Variants in CAGE1 observed in about 807,000 individuals in gnomAD.
CAGE1 encodes the protein cancer-associated gene 1 protein.
In CAGE1, 66 loss-of-function variants were observed where a neutral mutation model predicts 94.9. The ratio of observed to expected loss-of-function variants is 0.70; its 90% CI spans 0.57 to 0.85. The LOEUF (loss-of-function observed/expected upper bound fraction) is 0.85, where lower values mean the gene tolerates loss of function less well. Among genes scored for constraint, CAGE1 ranks in the 40% least tolerant of loss-of-function variants. CAGE1 has a pLI of 0.00. For synonymous variants in CAGE1, 319 were observed against 321.0 expected (o/e 0.99, Z 0.07); for missense variants, 865 against 950.4 (o/e 0.91, Z 1.18).
At chr6:7,344,920 C>T (rs9767771) in intron 11 of CAGE1, among the ~76,000 whole-genome samples, 7,154 of 152,198 alleles carry the variant, frequency 0.047, 286 homozygotes, top group African/African-American at 0.11. Context: ...AGAACCTTTG[C>T]GCCTAGCTCA....
At chr6:7,330,257 A>T (rs1228927415) in intron 12 of CAGE1, among the ~76,000 whole-genome samples, 1 of 152,118 alleles carries the variant, frequency 6.6e-6, no homozygotes, top group African/African-American at 2.4e-5. Flanking sequence ...GCATGGTGGC[A>T]CGCACCTGTA....
chr6:7,347,936 G>A (rs555368492), intron 11 of CAGE1, among the ~76,000 whole-genome samples: 2 of 152,034 alleles, frequency 1.3e-5, no homozygotes, highest in South Asian at 2.1e-4. Flanking sequence ...GAGAGTCTGA[G>A]CTCAGACACA....
chr6:7,358,520 CA>C (rs1760058904), intron 9 of CAGE1, among the ~76,000 whole-genome samples: 1 of 152,054 alleles, frequency 6.6e-6, no homozygotes, highest in South Asian at 2.1e-4. Flanking sequence ...TTTGTATGAA[CA>C]TATGCTTTCA....
intron 4 of CAGE1, among the ~76,000 whole-genome samples, chr6:7,376,130 C>A (rs1760734723): frequency 6.6e-6 from 1 of 152,060 alleles, no homozygotes; most frequent in Admixed American, 6.6e-5. Context: ...TGGCTCACAC[C>A]TGTAATCCCA....
Position 7,378,980 on chromosome 6 carries a change from C to T in CAGE1, c.324G>A (p.Gln108=). 1.9e-6 allele frequency: 3 copies of T among 1,556,748 alleles called. No homozygotes were observed. Among genetic ancestry groups the T allele is most frequent in the Non-Finnish European group, 2.6e-6 (3 of 1,150,312 alleles). ...IENYSTNALI[Q]PVDTISISSL... ...AAGATATGCTGATGGTGTCAACTGGCTGAATTAGTGCATTCGTTGAGTAAT... is the reference window on the plus strand; with the variant it reads ...AAGATATGCTGATGGTGTCAACTGGTTGAATTAGTGCATTCGTTGAGTAAT... Residue 108 remains glutamine, a synonymous_variant, in exon 4 of 14, where the codon CAG becomes CAA. Coordinates refer to ENST00000502583, the MANE Select transcript of CAGE1 (RefSeq NM_001170692.2).
chr6:7,347,528 T>TGGGGGGGGGGGGGG (rs1561853768), intron 11 of CAGE1: 3 of 17,684 alleles, frequency 1.7e-4, no homozygotes, highest in African/African-American at 2.5e-4. Flanking sequence ...GGGGGGGCGG[T>TGGGGGGGGGGGGGG]GGGGGAACTT....
chr6:7,329,268 TA>T, intron 13 of CAGE1: 1 of 390,198 alleles, frequency 2.6e-6, no homozygotes, highest in South Asian at 1.2e-4. Context: ...ATATGCCAAC[TA>T]AAAAGAAAAG....
Position 7,339,090 on chromosome 6 carries a change from C to A in CAGE1, c.2370-5000G>T. 1 of 1,596,706 alleles carries A rather than the reference C, an allele frequency of 6.3e-7. No homozygotes were observed. Among genetic ancestry groups the A allele is most frequent in the South Asian group, 1.1e-5 (1 of 90,662 alleles). On this transcript the variant is annotated intron_variant, in intron 11 of 13. Coordinates refer to ENST00000502583, the MANE Select transcript of CAGE1 (RefSeq NM_001170692.2). This position sits in a 1 kb window ranked among gnomAD's most constrained non-coding sequence, Gnocchi z 4.7. Reference sequence around the variant, plus strand: ...AACGTAGTAGTTAACAGGGTCTCTGCTGTGGATCATCAGGCCGTCCACAAA... The same window carrying A: ...AACGTAGTAGTTAACAGGGTCTCTGATGTGGATCATCAGGCCGTCCACAAA...
intron 11 of CAGE1, among the ~76,000 whole-genome samples, chr6:7,336,284 C>T (rs571776524): frequency 6.6e-6 from 1 of 152,296 alleles, no homozygotes; most frequent in Non-Finnish European, 1.5e-5. Context: ...AAGTGTGCAA[C>T]ATAGCAGCAG....
intron 11 of CAGE1, chr6:7,341,501 A>G (rs1759173591): frequency 3.3e-6 from 4 of 1,218,132 alleles, no homozygotes; most frequent in Non-Finnish European, 4.8e-6. Context: ...GAGTCTGAGG[A>G]GTAGATGTCA....
chr6:7,373,645 T>C lies in CAGE1; in HGVS notation c.1174A>G (p.Thr392Ala). 1.2e-6 allele frequency: 2 copies of C among 1,613,402 alleles called. No individual in the cohort carries two copies. The highest frequency in any genetic ancestry group is 1.7e-6 in the Non-Finnish European group (2 of 1,179,708). Residue 392 changes from threonine to alanine, a missense_variant, in exon 5 of 14, where the codon ACG becomes GCG. By Grantham distance (58) the Thr-to-Ala change is moderately conservative. Transcript: ENST00000502583. ...CTGGATTCCTGAAGATGTTTTTGCG[T>C]GTTAGCTAAAACCTCTTCCAAATTC... ...LQNLEEVLAN[T>A]QKHLQESRND...
chr6:7,334,032 T>A lies in CAGE1; in HGVS notation c.2428A>T (p.Arg810Ter), dbSNP rs1382160276. The A allele has an allele frequency of 6.5e-7, 1 of 1,529,532 alleles. No individual in the cohort carries two copies. The highest frequency in any genetic ancestry group is 8.9e-7 in the Non-Finnish European group (1 of 1,128,930). The allele number at this position is 1,529,532 out of a possible 1,614,324, so 94.7% of individuals were successfully genotyped here. ...TAAAGGGAAACTTACCTTGGTTTTC[T>A]GGCTTTTTCTCTGGGCTTTCTAATT... ...DLIRKPREKA[R>*]KPRSKSLENH... is the part of the protein sequence containing the mutation. Residue 810 changes from arginine to a stop codon, truncating the protein, a stop_gained, in exon 12 of 14, where the codon AGA (arginine) becomes TGA (stop). Coordinates refer to ENST00000502583, the MANE Select transcript of CAGE1 (RefSeq NM_001170692.2). LOFTEE classifies it high-confidence loss of function.
chr6:7,326,999 G>T, intron 13 of CAGE1, 100 bp from the exon 14 acceptor site: 1 of 809,976 alleles, frequency 1.2e-6, no homozygotes, highest in Non-Finnish European at 2.2e-6. Context: ...TATGGAAAAG[G>T]GGTGCAAAGT....
chr6:7,359,509 G>A (rs1760100793), intron 9 of CAGE1, among the ~76,000 whole-genome samples: 1 of 152,200 alleles, frequency 6.6e-6, no homozygotes, highest in South Asian at 2.1e-4. Flanking sequence ...CTAAGGGCAG[G>A]GGTGAGTTAG....
chr6:7,341,658 A>G, intron 11 of CAGE1: 1 of 731,772 alleles, frequency 1.4e-6, no homozygotes, highest in Non-Finnish European at 2.6e-6. Context: ...CCAGGTGGAC[A>G]GGAATCAACT....
chr6:7,357,687 G>T (rs1191309029), intron 9 of CAGE1, among the ~76,000 whole-genome samples: 1 of 152,086 alleles, frequency 6.6e-6, no homozygotes, highest in Non-Finnish European at 1.5e-5. Flanking sequence ...TTGAGTTTCT[G>T]CTAACGTACA....
intron 11 of CAGE1, chr6:7,338,739 C>CT: frequency 1.5e-6 from 1 of 681,798 alleles, no homozygotes; most frequent in Admixed American, 2.3e-5. Flanking sequence ...CCAAAGTCCA[C>CT]TGTATCATTC....
Position 7,329,893 on chromosome 6 carries a change from A to G in CAGE1, c.2439-5T>C, listed in dbSNP as rs1389294611. The G allele has an allele frequency of 6.7e-6, 9 of 1,338,108 alleles. No individual in the cohort carries two copies. The highest frequency in any genetic ancestry group is 1.4e-5 in the African/African-American group (1 of 69,706). 82.9% of individuals were successfully genotyped at this position (1,338,108 alleles called of 1,614,324 possible). ...TGATTTTCTAAGCTTTTTGATCTGT[A>G]AGAAATAGAAAGAAAATAATGTAAA... On this transcript the variant is annotated splice_polypyrimidine_tract_variant and splice_region_variant and intron_variant, in intron 12 of 13. Coordinates refer to ENST00000502583, the MANE Select transcript of CAGE1 (RefSeq NM_001170692.2).
Position 7,344,649 on chromosome 6 carries a change from C to G in CAGE1, c.2369+10392G>C, listed in dbSNP as rs552731407. ...GCAGCTCCACCTGCAGCCCCGGTGC[C>G]GGATCCACTGGGTGAAGCCAGCTGA... is the stretch of plus-strand genomic sequence containing the variant. On this transcript the variant is annotated intron_variant, in intron 11 of 13. Transcript: ENST00000502583. Among the ~76,000 whole-genome samples the G allele has an allele frequency of 7.9e-5, 12 of 152,332 alleles. No individual in the cohort carries two copies. In the South Asian group the frequency reaches 2.3e-3, roughly 29 times the overall value.
Sources: allele counts gnomAD v4.1 joint callset (sites outside exome capture counted in the v4.1 genomes callset), GRCh38; gene constraint gnomAD v4.1.1; non-coding constraint Gnocchi (gnomAD v3.1); transcripts MANE v1.5; gene names NCBI Gene and HGNC (gene_info 2026-07-23, HGNC 2026-07-21).